Variants in PDGFA observed in about 807,000 individuals in gnomAD.
PDGFA encodes platelet derived growth factor subunit A, also known as platelet-derived growth factor subunit A.
In PDGFA, 9 loss-of-function variants were observed where a neutral mutation model predicts 25.6. The observed-to-expected ratio is 0.35, with a 90% CI of 0.21 to 0.61. The LOEUF is 0.61. Ranked by LOEUF, PDGFA falls within the 20% of genes least tolerant of loss-of-function variation. PDGFA has a pLI of 0.75. For missense variants in PDGFA, 242 were observed against 272.8 expected (o/e 0.89, Z 0.79); for synonymous variants, 133 against 111.8 (o/e 1.19, Z -1.20).
rs913779398 is a variant in PDGFA, at chr7:517,228, A to G, written c.160+166T>C. Among the ~76,000 whole-genome samples, 13 of 150,860 alleles carry G rather than the reference A, an allele frequency of 8.6e-5. No homozygotes were observed. The highest frequency in any genetic ancestry group is 3.2e-4 in the African/African-American group (13 of 41,058). On this transcript the variant is annotated intron_variant, in intron 2 of 5. Coordinates refer to ENST00000402802, the Ensembl canonical transcript of PDGFA. This position sits in a 1 kb window ranked among gnomAD's most constrained non-coding sequence, Gnocchi z 7.4. ...GCCGCCGCTGGGAGAGAAAGTGGAG[A>G]CTGGAAGAGAAACTCCTGACTCATC... is the stretch of plus-strand genomic sequence containing the variant.
chr7:514,648 A>G (rs1373185150), intron 2 of PDGFA, among the ~76,000 whole-genome samples: 1 of 152,196 alleles, frequency 6.6e-6, no homozygotes, highest in Non-Finnish European at 1.5e-5. Flanking sequence ...GAATCTCCCA[A>G]CCATCAGTCC....
In PDGFA at chr7:511,457, A is replaced by G. The variant is rs567558658; in HGVS notation, c.266-461T>C. On this transcript the variant is annotated intron_variant, in intron 3 of 5. Transcript: ENST00000402802. ...AGGGGGCCTTAACAGTGAATCCTAC[A>G]GCACTTGCTGCATGCTCTAGCCTTC... is the stretch of plus-strand genomic sequence containing the variant. 3.1e-3 allele frequency among the ~76,000 whole-genome samples: 454 copies of G among 145,864 alleles called. 4 individuals are homozygous for G. The highest frequency in any genetic ancestry group is 0.011 in the African/African-American group (438 of 40,012).
upstream of PDGFA, among the ~76,000 whole-genome samples, chr7:519,670 G>A (rs1263326000): frequency 6.9e-6 from 1 of 145,094 alleles, no homozygotes; most frequent in African/African-American, 2.5e-5. Flanking sequence ...CCGCGGCCGA[G>A]CCGCCTGGCA....
chr7:519,597 C>T (rs1179906154), upstream of PDGFA, among the ~76,000 whole-genome samples: 5 of 145,818 alleles, frequency 3.4e-5, no homozygotes, highest in Non-Finnish European at 6.1e-5. Flanking sequence ...AGCACCCCCT[C>T]CGCGGCGCGC....
chr7:508,613 G>A (rs1431890653), intron 4 of PDGFA, among the ~76,000 whole-genome samples: 1 of 139,806 alleles, frequency 7.2e-6, no homozygotes, highest in Admixed American at 7.8e-5. Flanking sequence ...CAAGCCAGGA[G>A]GCTCTGAGTC....
chr7:514,123 T>C (rs1303428462), intron 2 of PDGFA, among the ~76,000 whole-genome samples: 2 of 152,230 alleles, frequency 1.3e-5, no homozygotes, highest in African/African-American at 4.8e-5. Context: ...TGCCTTGTGA[T>C]AGCCACGTTT....
intron 4 of PDGFA, among the ~76,000 whole-genome samples, chr7:505,457 T>C (rs1782518990): frequency 6.6e-6 from 1 of 152,208 alleles, no homozygotes; most frequent in Non-Finnish European, 1.5e-5. Flanking sequence ...GAGTCCCTAC[T>C]GCTACAAAGC....
chr7:502,933 T>C (rs987590809), intron 4 of PDGFA, among the ~76,000 whole-genome samples: 2 of 151,996 alleles, frequency 1.3e-5, no homozygotes, highest in African/African-American at 2.4e-5. Flanking sequence ...GCATGTGTAA[T>C]GTACACAGGG....
chr7:515,318 G>C (rs1418725086), intron 2 of PDGFA, among the ~76,000 whole-genome samples: 1 of 152,262 alleles, frequency 6.6e-6, no homozygotes, highest in African/African-American at 2.4e-5. Context: ...GGGAGTCCAG[G>C]ACCCGGAGGG....
chr7:504,687 G>A (rs913775416), intron 4 of PDGFA, among the ~76,000 whole-genome samples: 14 of 152,232 alleles, frequency 9.2e-5, no homozygotes, highest in African/African-American at 2.2e-4. Context: ...GGATGGGCTC[G>A]GGCAGGGCGC....
chr7:498,475 A>G, exon 6 of PDGFA: 1 of 1,280,642 alleles, frequency 7.8e-7, no homozygotes, highest in Non-Finnish European at 1.1e-6. Flanking sequence ...CAAAGACCGC[A>G]CACTGGCAAT....
Position 508,559 on chromosome 7 carries a change from C to CAA in PDGFA, c.453+2248_453+2249dup, listed in dbSNP as rs766165770. 6.3e-3 allele frequency among the ~76,000 whole-genome samples: 223 copies of CAA among 35,660 alleles called. 31 individuals are homozygous for CAA. The highest frequency in any genetic ancestry group is 0.018 in the East Asian group (21 of 1,166). The allele number at this position is 35,660 out of a possible 152,430, so 23.4% of individuals were successfully genotyped here. On this transcript the variant is annotated intron_variant, in intron 4 of 5. Transcript: ENST00000402802. The stretch of plus-strand genomic sequence containing the variant: ...TGGGCAACAGAGCAAGAAGCTGTCC[C>CAA]AAAAAAAAAAAAAAAAAAAAAAAAA...
intron 1 of PDGFA, chr7:518,638 G>T: frequency 2.9e-6 from 1 of 349,868 alleles, no homozygotes; most frequent in Non-Finnish European, 5.1e-6. Context: ...CGCTGCTGCA[G>T]CGCCCGCTGC....
chr7:504,127 G>A (rs142699674), intron 4 of PDGFA, among the ~76,000 whole-genome samples: 21 of 152,278 alleles, frequency 1.4e-4, no homozygotes, highest in African/African-American at 4.8e-4. Context: ...CCCCAGAAAC[G>A]AGGACAAAGC....
At chr7:501,988 G>A (rs985661610) in intron 4 of PDGFA, among the ~76,000 whole-genome samples, 3 of 152,166 alleles carry the variant, frequency 2.0e-5, no homozygotes, top group Non-Finnish European at 4.4e-5. Flanking sequence ...ACTTTGGAAG[G>A]CCAAGGCGGG....
At chr7:502,609 C>G (rs1017046245) in intron 4 of PDGFA, among the ~76,000 whole-genome samples, 1 of 152,204 alleles carries the variant, frequency 6.6e-6, no homozygotes, top group South Asian at 2.1e-4. Flanking sequence ...CTGGACTTTG[C>G]CTGTCTGCGA....
chr7:519,162 G>T, exon 1 of PDGFA: 1 of 504,976 alleles, frequency 2.0e-6, no homozygotes, highest in South Asian at 3.0e-5. Context: ...CGCCCGGCGC[G>T]AGCAGTGAGT....
intron 4 of PDGFA, among the ~76,000 whole-genome samples, chr7:508,166 G>A (rs1782647230): frequency 6.6e-6 from 1 of 152,082 alleles, no homozygotes; most frequent in South Asian, 2.1e-4. Flanking sequence ...TCTCCCCGCC[G>A]CCCCATCTCC....
At chr7:513,431 C>T (rs1453490082) in intron 2 of PDGFA, 2 of 152,196 alleles carry the variant, frequency 1.3e-5, no homozygotes, top group Non-Finnish European at 2.9e-5. Context: ...ACACTGCCCG[C>T]ACCTGGGCAC....
Sources: gnomAD v4.1 joint callset for allele counts (sites outside exome capture counted in the v4.1 genomes callset) on GRCh38, gnomAD v4.1.1 for gene constraint, Gnocchi (gnomAD v3.1) non-coding constraint, MANE v1.5 for transcripts, NCBI Gene and HGNC (gene_info 2026-07-23, HGNC 2026-07-21) for gene names.